The following PHF21B variants were observed in gnomAD, a reference collection of about 807,000 sequenced individuals.
PHF21B encodes PHD finger protein 4.
Under a neutral mutation model 62.2 loss-of-function variants are expected in PHF21B, and 22 were observed. That is an observed-to-expected ratio of 0.35 (90% CI 0.25 to 0.51). The LOEUF is 0.51. Among genes scored for constraint, PHF21B ranks in the 20% least tolerant of loss-of-function variants. The pLI is 0.97. For missense variants in PHF21B, 701 were observed against 707.9 expected (o/e 0.99, Z 0.11); for synonymous variants, 341 against 314.7 (o/e 1.08, Z -0.88).
At chr22:44,939,234 CAT>C (rs2147358881) in intron 2 of PHF21B, among the ~76,000 whole-genome samples, 1 of 152,308 alleles carries the variant, frequency 6.6e-6, no homozygotes, top group Admixed American at 6.5e-5. Context: ...CTGCACGACC[CAT>C]AGAGGCAGGA....
At chr22:44,972,532 G>A (rs2103829) in intron 2 of PHF21B, among the ~76,000 whole-genome samples, 100,842 of 152,012 alleles carry the variant, frequency 0.66, 35,171 homozygotes, top group East Asian at 0.86. Context: ...TGGCGGACGC[G>A]GCTGCTCAGT....
At chr22:44,893,424 CT>C in intron 7 of PHF21B, 32 bp downstream of exon 7, 1 of 1,569,300 alleles carries the variant, frequency 6.4e-7, no homozygotes, top group Non-Finnish European at 8.6e-7. Flanking sequence ...AGCCCCCACC[CT>C]CCTGGTGGCA....
chr22:44,968,625 CAG>C (rs1338091418), intron 2 of PHF21B, among the ~76,000 whole-genome samples: 6 of 128,766 alleles, frequency 4.7e-5, no homozygotes, highest in African/African-American at 1.8e-4. Flanking sequence ...GCCTAGTCAA[CAG>C]AGTGAGATTC....
chr22:44,901,336 T>C (rs957640013), intron 5 of PHF21B, among the ~76,000 whole-genome samples: 2 of 152,182 alleles, frequency 1.3e-5, no homozygotes, highest in African/African-American at 4.8e-5. Flanking sequence ...TCACATCATC[T>C]TCTCCTCCCC....
chr22:44,996,861 CAT>C (rs1347521013), intron 2 of PHF21B, among the ~76,000 whole-genome samples: 3 of 152,274 alleles, frequency 2.0e-5, no homozygotes, highest in East Asian at 1.9e-4. Context: ...CACACACACA[CAT>C]GCATACATGC....
In PHF21B at chr22:44,897,513, T is replaced by C. The variant is rs2071082288; in HGVS notation, c.832-1430A>G. On this transcript the variant is annotated intron_variant, in intron 5 of 12. Coordinates refer to ENST00000313237, the MANE Select transcript of PHF21B (RefSeq NM_138415.5). ...CAGGAGTCCTGCAGCCACCACGCTG[T>C]AGGAAGAACAACTCCTGGAGCCTCA... Among the ~76,000 whole-genome samples, 2 of 152,098 alleles carry C rather than the reference T, an allele frequency of 1.3e-5. 1 individual carries two copies. Among genetic ancestry groups the C allele is most frequent in the South Asian group, 4.1e-4 (2 of 4,822 alleles).
intron 2 of PHF21B, among the ~76,000 whole-genome samples, chr22:44,961,510 G>A (rs1410911877): frequency 1.3e-5 from 2 of 152,054 alleles, no homozygotes; most frequent in Non-Finnish European, 2.9e-5. Flanking sequence ...TGAAAACGTG[G>A]TAATTGGTTT....
intron 2 of PHF21B, among the ~76,000 whole-genome samples, chr22:44,987,285 G>C (rs189934679): frequency 1.3e-5 from 2 of 152,016 alleles, no homozygotes; most frequent in Admixed American, 6.5e-5. Context: ...GGCAAGATGA[G>C]GGTGGGAACT....
chr22:44,931,454 C>G (rs1348942241), intron 2 of PHF21B, among the ~76,000 whole-genome samples: 1 of 152,192 alleles, frequency 6.6e-6, no homozygotes, highest in Non-Finnish European at 1.5e-5. Flanking sequence ...CAGGCAGCTG[C>G]TCTTAATCAA....
chr22:44,913,688 G>A lies in PHF21B; in HGVS notation c.831+134C>T, dbSNP rs889530181. On this transcript the variant is annotated intron_variant, in intron 5 of 12. Transcript: ENST00000313237. Reference sequence around the variant, plus strand: ...TTGGCGAGGCCCCATCCTGGTCGCCGACTGCACAGGGCAGCTGTGCCCACG... The same window carrying A: ...TTGGCGAGGCCCCATCCTGGTCGCCAACTGCACAGGGCAGCTGTGCCCACG... 6.0e-5 allele frequency: 79 copies of A among 1,306,672 alleles called. No homozygotes were observed. The African/African-American group carries it at 9.8e-4, about 16-fold the overall frequency. The allele number at this position is 1,306,672 out of a possible 1,614,324, so 80.9% of individuals were successfully genotyped here.
chr22:44,969,067 T>C (rs1391815988), intron 2 of PHF21B: 1 of 152,274 alleles, frequency 6.6e-6, no homozygotes, highest in African/African-American at 2.4e-5. Context: ...ACACTTCCTG[T>C]GGCCAGAGTC....
At chr22:44,963,295 C>T (rs2072461212) in intron 2 of PHF21B, among the ~76,000 whole-genome samples, 1 of 152,256 alleles carries the variant, frequency 6.6e-6, no homozygotes, top group South Asian at 2.1e-4. Context: ...CACACCACTG[C>T]AGCGGCCCCG....
At chr22:44,993,336 G>A (rs924250360) in intron 2 of PHF21B, among the ~76,000 whole-genome samples, 16 of 152,204 alleles carry the variant, frequency 1.1e-4, no homozygotes, top group Admixed American at 8.5e-4. Flanking sequence ...GTCCCCTCCG[G>A]TAAAAGGGGG....
chr22:44,882,844 C>A lies in PHF21B; in HGVS notation c.*242G>T. On this transcript the variant is annotated 3_prime_UTR_variant, in exon 13 of 13. Coordinates refer to ENST00000313237, the MANE Select transcript of PHF21B (RefSeq NM_138415.5). ...GGTGGCCGGGGGGAGACTGTGTGCC[C>A]CAGCCTGTCGTACCCCACCTGGCTC... 2.0e-6 allele frequency: 1 copy of A among 494,196 alleles called. No homozygotes were observed. Among genetic ancestry groups the A allele is most frequent in the Non-Finnish European group, 3.5e-6 (1 of 282,408 alleles). The allele number at this position is 494,196 out of a possible 1,614,324, so 30.6% of individuals were successfully genotyped here. A position where few individuals can be genotyped will look rare whatever the true frequency, so the allele number is the denominator to read the frequency against.
intron 2 of PHF21B, among the ~76,000 whole-genome samples, chr22:44,973,739 G>A (rs1252759175): frequency 2.0e-5 from 3 of 151,966 alleles, no homozygotes; most frequent in Admixed American, 6.6e-5. Flanking sequence ...TGTATTCCCA[G>A]CTTTCTCAAG....
At chr22:44,987,329 C>A (rs976835897) in intron 2 of PHF21B, among the ~76,000 whole-genome samples, 1 of 152,156 alleles carries the variant, frequency 6.6e-6, no homozygotes, top group Middle Eastern at 3.4e-3. Flanking sequence ...CAGTGGGACC[C>A]CCGGGGAGAC....
At chr22:44,986,230 CCAT>C (rs2072946727) in intron 2 of PHF21B, among the ~76,000 whole-genome samples, 3 of 151,418 alleles carry the variant, frequency 2.0e-5, no homozygotes, top group Non-Finnish European at 4.4e-5. Context: ...ACCATTATCA[CCAT>C]CATTATGACA....
chr22:44,917,961 C>T (rs1336777399), intron 3 of PHF21B, among the ~76,000 whole-genome samples: 1 of 152,238 alleles, frequency 6.6e-6, no homozygotes, highest in Non-Finnish European at 1.5e-5. Flanking sequence ...TGAGCCCGGC[C>T]TCCCACATCA....
chr22:44,928,908 G>A (rs1194397057), intron 2 of PHF21B, among the ~76,000 whole-genome samples: 1 of 152,134 alleles, frequency 6.6e-6, no homozygotes, highest in African/African-American at 2.4e-5. Flanking sequence ...AGGCCCCACT[G>A]CCGGGGCTGA....
Sources: allele counts gnomAD v4.1 joint callset (sites outside exome capture counted in the v4.1 genomes callset), GRCh38; gene constraint gnomAD v4.1.1; transcripts MANE v1.5; gene names NCBI Gene and HGNC (gene_info 2026-07-23, HGNC 2026-07-21).